F13A1: variants seen among roughly 807,000 people sequenced by gnomAD.
F13A1 encodes coagulation factor XIII A chain.
F13A1 carries 47 observed loss-of-function variants against 80.1 expected under a neutral mutation model. The ratio of observed to expected loss-of-function variants is 0.59; its 90% CI spans 0.46 to 0.75. F13A1 has a LOEUF of 0.75. F13A1 is among the 30% of genes least tolerant of loss of function. F13A1 has a pLI of 0.00. For missense variants in F13A1, 817 were observed against 930.4 expected, an observed-to-expected ratio of 0.88 and a Z score of 1.59; for synonymous variants, 349 against 344.9, an observed-to-expected ratio of 1.01 and a Z score of -0.13.
At chr6:6,218,472 T>C (rs1425026074) in intron 8 of F13A1, among the ~76,000 whole-genome samples, 5 of 152,206 alleles carry the variant, frequency 3.3e-5, no homozygotes, top group Non-Finnish European at 1.5e-5. Flanking sequence ...ATCAGCACGC[T>C]GGGGACAGGC....
At chr6:6,298,393 G>A (rs1758365054) in intron 3 of F13A1, among the ~76,000 whole-genome samples, 1 of 150,076 alleles carries the variant, frequency 6.7e-6, no homozygotes, top group African/African-American at 2.5e-5. Context: ...AAGTCTCTTT[G>A]TAGGTCACTC....
At chr6:6,234,089 G>A (rs573376450) in intron 6 of F13A1, among the ~76,000 whole-genome samples, 10 of 152,200 alleles carry the variant, frequency 6.6e-5, no homozygotes, top group Non-Finnish European at 7.4e-5. Flanking sequence ...AGTACTGGAA[G>A]TCCTAGCCAG....
intron 2 of F13A1, among the ~76,000 whole-genome samples, chr6:6,313,353 A>C (rs1419367962): frequency 6.6e-6 from 1 of 151,082 alleles, no homozygotes; most frequent in African/African-American, 2.4e-5. Context: ...GACAGCTTTC[A>C]AACTGTCTAC....
At chr6:6,166,029 C>A (rs1475391784) in intron 13 of F13A1, among the ~76,000 whole-genome samples, 1 of 152,258 alleles carries the variant, frequency 6.6e-6, no homozygotes, top group African/African-American at 2.4e-5. Flanking sequence ...GGGTGGCTCA[C>A]TGTGTCAATT....
At chr6:6,184,983 T>A (rs942136602) in intron 10 of F13A1, among the ~76,000 whole-genome samples, 2 of 152,144 alleles carry the variant, frequency 1.3e-5, no homozygotes, top group African/African-American at 4.8e-5. Context: ...TAGGGAATCA[T>A]CTAGGAGCTT....
intron 8 of F13A1, among the ~76,000 whole-genome samples, chr6:6,209,087 A>G (rs936446828): frequency 2.0e-5 from 3 of 152,200 alleles, no homozygotes; most frequent in African/African-American, 7.2e-5. Flanking sequence ...CAAATCACAT[A>G]TATGATAGAG....
At chr6:6,238,378 A>G (rs1401731020) in intron 6 of F13A1, among the ~76,000 whole-genome samples, 1 of 152,156 alleles carries the variant, frequency 6.6e-6, no homozygotes, top group Non-Finnish European at 1.5e-5. Context: ...ATAGACCACA[A>G]TGTAAAAGTT....
chr6:6,156,605 T>C (rs1760482357), intron 13 of F13A1, among the ~76,000 whole-genome samples: 1 of 152,152 alleles, frequency 6.6e-6, no homozygotes, highest in Admixed American at 6.6e-5. Flanking sequence ...TAATGGGCAA[T>C]TTCTTGTTTG....
chr6:6,222,676 C>A (rs1757213778), intron 7 of F13A1, among the ~76,000 whole-genome samples: 1 of 152,184 alleles, frequency 6.6e-6, no homozygotes. Flanking sequence ...GAATACCTTT[C>A]TTGCCATATG....
In F13A1 at chr6:6,230,996, G is replaced by T. The variant is rs533465363; in HGVS notation, c.799-6136C>A. Among the ~76,000 whole-genome samples the T allele has an allele frequency of 2.6e-4, 40 of 152,180 alleles. No individual in the cohort carries two copies. In the South Asian group the frequency reaches 7.7e-3, roughly 29 times the overall value. The stretch of plus-strand genomic sequence containing the variant: ...GAGCCTACCCAGATGAGAAGGAACT[G>T]TAATATGACAAAACAAGGCTCTTCA... On this transcript the variant is annotated intron_variant, in intron 6 of 14. Transcript: ENST00000264870.
At position 6,145,575 on chromosome 6, in the gene F13A1, T is replaced by G; in HGVS notation, c.*44A>C. The G allele has an allele frequency of 1.2e-6, 2 of 1,613,944 alleles. No individual in the cohort carries two copies. Among genetic ancestry groups the G allele is most frequent in the Non-Finnish European group, 8.5e-7 (1 of 1,179,836 alleles). On this transcript the variant is annotated 3_prime_UTR_variant, in exon 15 of 15. Coordinates refer to ENST00000264870, the MANE Select transcript of F13A1 (RefSeq NM_000129.4). ...GCGTTAGAATTTCCTTAGCCAAGACTACAAGAGGCCAAATGCCAGGGTTCA... is the reference window on the plus strand; with the variant it reads ...GCGTTAGAATTTCCTTAGCCAAGACGACAAGAGGCCAAATGCCAGGGTTCA...
At chr6:6,319,862 A>T (rs1443971136) in intron 1 of F13A1, among the ~76,000 whole-genome samples, 1 of 152,232 alleles carries the variant, frequency 6.6e-6, no homozygotes, top group Non-Finnish European at 1.5e-5. Context: ...ATATATTTAC[A>T]GTCATTGGTG....
At chr6:6,316,109 A>G (rs1247564863) in intron 2 of F13A1, among the ~76,000 whole-genome samples, 14 of 49,684 alleles carry the variant, frequency 2.8e-4, no homozygotes, top group South Asian at 6.4e-4. Flanking sequence ...ATATATATAT[A>G]TATATATATA....
At chr6:6,233,893 C>T (rs963867858) in intron 6 of F13A1, among the ~76,000 whole-genome samples, 5 of 152,014 alleles carry the variant, frequency 3.3e-5, no homozygotes, top group African/African-American at 1.2e-4. Flanking sequence ...CAACAAAATC[C>T]AACATTGCTT....
intron 6 of F13A1, 55 bp downstream of exon 6, chr6:6,248,257 T>G (rs1205025800): frequency 3.6e-6 from 5 of 1,385,536 alleles, no homozygotes; most frequent in African/African-American, 1.4e-5. Context: ...CTGGCATATA[T>G]ACTGAGGCAA....
intron 3 of F13A1, among the ~76,000 whole-genome samples, chr6:6,279,360 T>C (rs1458434954): frequency 1.3e-5 from 2 of 152,232 alleles, no homozygotes; most frequent in Non-Finnish European, 2.9e-5. Flanking sequence ...TCTAATTTAT[T>C]GTAGTTTGCC....
chr6:6,207,261 G>A lies in F13A1; in HGVS notation c.1113-9935C>T, dbSNP rs913747753. On this transcript the variant is annotated intron_variant, in intron 8 of 14. Coordinates refer to ENST00000264870, the MANE Select transcript of F13A1 (RefSeq NM_000129.4). ...AGAGAAAATGAGTTTTGAACACTCC[G>A]AAAGCTCTTTCTCTCCAAATTGCCA... Among the ~76,000 whole-genome samples, 46 of 152,114 alleles carry A rather than the reference G, an allele frequency of 3.0e-4. 2 individuals carry two copies. Among genetic ancestry groups the A allele is most frequent in the Admixed American group, 2.5e-3 (38 of 15,274 alleles).
At chr6:6,217,161 A>C (rs998664244) in intron 8 of F13A1, among the ~76,000 whole-genome samples, 3 of 151,164 alleles carry the variant, frequency 2.0e-5, no homozygotes, top group Middle Eastern at 6.8e-3. Flanking sequence ...CATTTGACCC[A>C]GCCATCCCAT....
intron 8 of F13A1, among the ~76,000 whole-genome samples, chr6:6,217,787 G>A (rs1160463879): frequency 1.3e-5 from 2 of 152,206 alleles, no homozygotes; most frequent in Non-Finnish European, 2.9e-5. Flanking sequence ...AGGACATAAT[G>A]AGAATTAGGA....
Sources: gnomAD v4.1 joint callset for allele counts (sites outside exome capture counted in the v4.1 genomes callset) on GRCh38, gnomAD v4.1.1 for gene constraint, MANE v1.5 for transcripts, NCBI Gene and HGNC (gene_info 2026-07-23, HGNC 2026-07-21) for gene names.